IGSF9B: variants seen among roughly 807,000 people sequenced by gnomAD.
The protein encoded by IGSF9B is protein turtle homolog B.
In IGSF9B, 48 loss-of-function variants were observed where a neutral mutation model predicts 143.7. The observed-to-expected ratio is 0.33, with a 90% CI of 0.26 to 0.42. The LOEUF is 0.42. Ranked by LOEUF, IGSF9B falls within the 20% of genes least tolerant of loss-of-function variation. IGSF9B has a pLI of 1.00. For missense variants in IGSF9B, 1,706 were observed against 1,980.0 expected (o/e 0.86, Z 2.63); for synonymous variants, 903 against 833.1 (o/e 1.08, Z -1.44).
intron 18 of IGSF9B, among the ~76,000 whole-genome samples, chr11:133,916,819 C>T (rs1939391404): frequency 6.6e-6 from 1 of 152,022 alleles, no homozygotes; most frequent in African/African-American, 2.4e-5. Flanking sequence ...GTGGAGGAGT[C>T]ACAGCTGGGA....
Position 133,898,641 on chromosome 11 carries a change from C to T in IGSF9B, c.*10428G>A, listed in dbSNP as rs1939063059. 1 of 154,292 alleles carries T rather than the reference C, an allele frequency of 6.5e-6. No homozygotes were observed. Among genetic ancestry groups the T allele is most frequent in the Non-Finnish European group, 1.5e-5 (1 of 68,218 alleles). 9.6% of individuals were successfully genotyped at this position (154,292 alleles called of 1,614,324 possible). A position where few individuals can be genotyped will look rare whatever the true frequency, so the allele number is the denominator to read the frequency against. On this transcript the variant is annotated 3_prime_UTR_variant, in exon 20 of 20. Transcript: ENST00000533871. The stretch of plus-strand genomic sequence containing the variant: ...TTAAATCTGAATGGGAGGTCAAGAC[C>T]TTCTGACACTGATACAGACGACTTA...
Position 133,908,578 on chromosome 11 carries a change from C to CATATATATAT in IGSF9B, c.*481_*490dup, listed in dbSNP as rs35601094. 6.9e-6 allele frequency: 1 copy of CATATATATAT among 145,548 alleles called. No individual in the cohort carries two copies. Among genetic ancestry groups the CATATATATAT allele is most frequent in the African/African-American group, 2.5e-5 (1 of 39,404 alleles). 9.0% of individuals were successfully genotyped at this position (145,548 alleles called of 1,614,324 possible). On this transcript the variant is annotated 3_prime_UTR_variant, in exon 20 of 20. Transcript: ENST00000533871. ...AGCAACAGCACTTTGCCTCAATGTA[C>CATATATATAT]ATATATATATATATATATACACACA...
At chr11:133,950,144 C>A (rs1284992038) in intron 1 of IGSF9B, among the ~76,000 whole-genome samples, 2 of 152,324 alleles carry the variant, frequency 1.3e-5, no homozygotes, top group African/African-American at 4.8e-5. Context: ...CTGTGCAGAA[C>A]CATGAGGCAT....
intron 15 of IGSF9B, among the ~76,000 whole-genome samples, chr11:133,922,971 C>G (rs78185521): frequency 6.6e-6 from 1 of 152,238 alleles, no homozygotes; most frequent in Non-Finnish European, 1.5e-5. Context: ...CTATGCCTGT[C>G]CCCATGGGGA....
chr11:133,919,805 G>A lies in IGSF9B; in HGVS notation c.3920C>T (p.Pro1307Leu), dbSNP rs753288317. Residue 1307 changes from proline to leucine, a missense_variant, in exon 18 of 20, where the codon CCT (proline) becomes CTT (leucine). By Grantham distance (98) the Pro-to-Leu change is moderately conservative (BLOSUM62 -3). Around this residue, in one of 7 missense-constraint regions of IGSF9B, gnomAD observed 880 missense variants for 762.9 expected, o/e 1.15. Coordinates refer to ENST00000533871, the MANE Select transcript of IGSF9B (RefSeq NM_001277285.4). ...GAGCAATTCCTCCCCCGTCCTTCGA[G>A]GGGAAGGCGTCTGTCCAAACACGTC... The part of the protein sequence containing the change: ...SLDVFGQTPS[P>L]RRTGEELLRP... The A allele has an allele frequency of 6.6e-6, 10 of 1,516,036 alleles. No individual in the cohort carries two copies. The South Asian group carries it at 6.6e-5, about 10-fold the overall frequency. The allele number at this position is 1,516,036 out of a possible 1,614,324, so 93.9% of individuals were successfully genotyped here. A position where few individuals can be genotyped will look rare whatever the true frequency, so the allele number is the denominator to read the frequency against.
In IGSF9B at chr11:133,912,088, A is replaced by T; in HGVS notation, c.3984-81T>A. On this transcript the variant is annotated intron_variant, in intron 18 of 19. Coordinates refer to ENST00000533871, the MANE Select transcript of IGSF9B (RefSeq NM_001277285.4). ...AAGAGGGGCTGGAAGAAAGCCAAGT[A>T]GCTGACCCACAGAAGGACAGAGTTC... is the stretch of plus-strand genomic sequence containing the variant. The T allele has an allele frequency of 2.8e-6, 4 of 1,450,732 alleles. No individual in the cohort carries two copies. In the African/African-American group the frequency reaches 5.7e-5, roughly 21 times the overall value. 89.9% of individuals were successfully genotyped at this position (1,450,732 alleles called of 1,614,324 possible). A position where few individuals can be genotyped will look rare whatever the true frequency, so the allele number is the denominator to read the frequency against.
At position 133,956,671 on chromosome 11, in the gene IGSF9B, G is replaced by A. The variant is rs1404034192; in HGVS notation, c.64+20C>T. Reference sequence around the variant, plus strand: ...AGGGCGCCGGGAGGGGCAGGGGAGGGACGCCGCACTTCAACTCACCTTCAG... The same window carrying A: ...AGGGCGCCGGGAGGGGCAGGGGAGGAACGCCGCACTTCAACTCACCTTCAG... On this transcript the variant is annotated intron_variant, in intron 1 of 19. Transcript: ENST00000533871. 2.6e-6 allele frequency: 4 copies of A among 1,520,900 alleles called. No homozygotes were observed. The highest frequency in any genetic ancestry group is 1.4e-5 in the African/African-American group (1 of 69,598). The allele number at this position is 1,520,900 out of a possible 1,614,324, so 94.2% of individuals were successfully genotyped here.
chr11:133,924,673 G>C, intron 15 of IGSF9B, 147 bp downstream of exon 15: 1 of 657,020 alleles, frequency 1.5e-6, no homozygotes, highest in Non-Finnish European at 2.7e-6. Context: ...GCTTAAGAAA[G>C]GCTATGACTC....
rs1011942837 is a variant in IGSF9B at position 133,932,187 on chromosome 11, G to C, written c.994C>G (p.Pro332Ala). The change falls in exon 8 of 20, where the codon CCT (proline) becomes GCT (alanine). Residue 332 changes from proline to alanine, a missense_variant. Around this residue, in one of 7 missense-constraint regions of IGSF9B, gnomAD observed 238 missense variants for 452.6 expected, o/e 0.53. Transcript: ENST00000533871. ...ATCCCCACGGGCACGTAAATCACAG[G>C]GGGCATGTTGAGGACACGCGCTGGG... ...QYPARVLNMP[P>A]VIYVPVGIHG... The C allele has an allele frequency of 2.0e-5, 31 of 1,583,474 alleles. No homozygotes were observed. The highest frequency in any genetic ancestry group is 2.5e-5 in the Non-Finnish European group (29 of 1,164,794).
rs146666254 is a variant in IGSF9B at position 133,903,153 on chromosome 11, G to A, written c.*5916C>T. Among the ~76,000 whole-genome samples the A allele has an allele frequency of 4.5e-3, 688 of 152,250 alleles. 2 individuals are homozygous for A. Among genetic ancestry groups the A allele is most frequent in the African/African-American group, 0.014 (584 of 41,542 alleles). On this transcript the variant is annotated 3_prime_UTR_variant, in exon 20 of 20. Transcript: ENST00000533871. ...CTAACTGGTGTGTATACGGGGTGGC[G>A]AGGGAGAACCTGCCCTAGTTCGCAA...
chr11:133,921,833 A>C (rs1385243552), intron 17 of IGSF9B, among the ~76,000 whole-genome samples: 1 of 152,136 alleles, frequency 6.6e-6, no homozygotes, highest in Non-Finnish European at 1.5e-5. Flanking sequence ...GCTCACTTTA[A>C]TATCAACTTA....
At chr11:133,919,627 G>A (rs2121287300) in intron 18 of IGSF9B, 115 bp downstream of exon 18, 3 of 694,578 alleles carry the variant, frequency 4.3e-6, no homozygotes, top group East Asian at 3.3e-5. Flanking sequence ...ACGCCGGTGC[G>A]GCATGTCCGC....
At chr11:133,944,740 C>T (rs796373818) in intron 2 of IGSF9B, among the ~76,000 whole-genome samples, 1 of 152,302 alleles carries the variant, frequency 6.6e-6, no homozygotes, top group African/African-American at 2.4e-5. Flanking sequence ...TGAAAAAGTG[C>T]CAACAGAAGA....
rs1228493846 is a variant in IGSF9B at position 133,956,830 on chromosome 11, GCC to G, written c.-78_-77del. On this transcript the variant is annotated 5_prime_UTR_variant, in exon 1 of 20. Transcript: ENST00000533871. ...GCCCGCACGCGCCTCGCGCCCGAGC[GCC>G]CGCCTCGCGCCCGCCTCGCGCCGCC... The G allele has an allele frequency of 3.5e-5, 32 of 919,188 alleles. No individual in the cohort carries two copies. The East Asian group carries it at 1.1e-3, about 31-fold the overall frequency. 56.9% of individuals were successfully genotyped at this position (919,188 alleles called of 1,614,324 possible).
Position 133,908,881 on chromosome 11 carries a change from C to G in IGSF9B, c.*188G>C, listed in dbSNP as rs1402313726. The G allele has an allele frequency of 3.4e-6, 2 of 588,492 alleles. No individual in the cohort carries two copies. Among genetic ancestry groups the G allele is most frequent in the Non-Finnish European group, 6.0e-6 (2 of 332,972 alleles). 36.5% of individuals were successfully genotyped at this position (588,492 alleles called of 1,614,324 possible). ...CCTCGACCCACAGGTGGAAGGTGTG[C>G]CCACCCTCCGTCCTGAAGACAGGCG... On this transcript the variant is annotated 3_prime_UTR_variant, in exon 20 of 20. Coordinates refer to ENST00000533871, the MANE Select transcript of IGSF9B (RefSeq NM_001277285.4).
intron 18 of IGSF9B, chr11:133,912,412 A>G (rs1939315251): frequency 4.4e-6 from 2 of 457,998 alleles, no homozygotes; most frequent in East Asian, 6.9e-5. Flanking sequence ...AAAAGGGCAT[A>G]TTAGAGCAGG....
rs1193636518 is a variant in IGSF9B at position 133,901,893 on chromosome 11, ACACACACAACACAC to A, written c.*7162_*7175del. Among the ~76,000 whole-genome samples, 6 of 145,818 alleles carry A rather than the reference ACACACACAACACAC, an allele frequency of 4.1e-5. No individual in the cohort carries two copies. The highest frequency in any genetic ancestry group is 3.6e-3 in the Middle Eastern group (1 of 280). Reference sequence around the variant, plus strand: ...CACACGCACCACACACACACACAACACACACACAACACACCACACACAACACACACCAAACCACA... The same window carrying A: ...CACACGCACCACACACACACACAACACACACACAACACACACCAAACCACA... On this transcript the variant is annotated 3_prime_UTR_variant, in exon 20 of 20. Transcript: ENST00000533871.
At position 133,921,393 on chromosome 11, in the gene IGSF9B, A is replaced by G. The variant is rs1939535877; in HGVS notation, c.2332T>C (p.Ser778Pro). The G allele has an allele frequency of 6.6e-7, 1 of 1,512,086 alleles. No individual in the cohort carries two copies. Among genetic ancestry groups the G allele is most frequent in the Non-Finnish European group, 8.8e-7 (1 of 1,131,710 alleles). 93.7% of individuals were successfully genotyped at this position (1,512,086 alleles called of 1,614,324 possible). ...HCRKSLESPL[S>P]SGKVSPESIR... ...CTCTCGGGGCTCACCTTGCCAGAGG[A>G]CAAGCTGCAAGGAGGAGCAAGAGCC... Residue 778 changes from serine (S) to proline (P), a missense_variant, in exon 18 of 20, where the codon TCC (serine) becomes CCC (proline). This residue lies in a region of IGSF9B where 135 missense variants were observed against 181.3 expected (regional missense o/e 0.74). Transcript: ENST00000533871.
intron 3 of IGSF9B, 139 bp downstream of exon 3, chr11:133,944,081 G>A: frequency 1.1e-6 from 1 of 938,394 alleles, no homozygotes; most frequent in East Asian, 2.7e-5. Context: ...GATGTCTCAT[G>A]GGACCACAGC....
Sources: gnomAD v4.1 joint callset for allele counts (sites outside exome capture counted in the v4.1 genomes callset) on GRCh38, gnomAD v4.1.1 for gene constraint, gnomAD v4.1.1 regional missense constraint, MANE v1.5 for transcripts, NCBI Gene and HGNC (gene_info 2026-07-23, HGNC 2026-07-21) for gene names.